Variants in OR2F1 observed in about 807,000 individuals in gnomAD.
OR2F1 encodes the protein olfactory receptor family 2 subfamily F member 1, also known as olfactory receptor 2F1.
For missense variants in OR2F1, 389 were observed against 378.2 expected (o/e 1.03, Z -0.24); for synonymous variants, 146 against 155.3 (o/e 0.94, Z 0.44).
At chr7:143,956,329 TC>T (rs112953836) in intron 1 of OR2F1, among the ~76,000 whole-genome samples, 23,209 of 152,020 alleles carry the variant, frequency 0.15, 2,195 homozygotes, top group African/African-American at 0.24. Flanking sequence ...CATACATATT[TC>T]CTCCTTCAAC....
Position 143,960,900 on chromosome 7 carries a change from G to C in OR2F1, c.930G>C (p.Gly310=), listed in dbSNP as rs751826152. 3 of 1,610,440 alleles carry C rather than the reference G, an allele frequency of 1.9e-6. No individual in the cohort carries two copies. The African/African-American group carries it at 4.0e-5, about 22-fold the overall frequency. Residue 310 remains glycine (G), a synonymous_variant, in exon 3 of 3, where the codon GGG becomes GGC. Transcript: ENST00000641412. ...AGAAACTATTATGGAAATTCTCTGG[G>C]TTAACATCAAAGCTGGCAACTTGAC... The part of the protein sequence containing the change: ...AWQKLLWKFS[G]LTSKLAT
In OR2F1 at chr7:143,960,526, A is replaced by G; in HGVS notation, c.556A>G (p.Arg186Gly). 6.2e-7 allele frequency: 1 copy of G among 1,614,222 alleles called. No homozygotes were observed. Among genetic ancestry groups the G allele is most frequent in the Non-Finnish European group, 8.5e-7 (1 of 1,180,038 alleles). Residue 186 changes from arginine to glycine, a missense_variant, in exon 3 of 3, where the codon AGG (arginine) becomes GGG (glycine). Arg to Gly is a moderately radical substitution (Grantham distance 125). Coordinates refer to ENST00000641412, the MANE Select transcript of OR2F1 (RefSeq NM_012369.3). Reference sequence around the variant, plus strand: ...ATCCTGTGAACTCCTAGCTGTGGTCAGGCTGGCTTGTGTGGACACCTCCTC... The same window carrying G: ...ATCCTGTGAACTCCTAGCTGTGGTCGGGCTGGCTTGTGTGGACACCTCCTC... ...HISCELLAVV[R>G]LACVDTSSNE...
At chr7:143,959,816 A>T in intron 2 of OR2F1, 132 bp from the exon 3 acceptor site, 1 of 599,950 alleles carries the variant, frequency 1.7e-6, no homozygotes, top group Non-Finnish European at 2.9e-6. Context: ...ATGTTGGGTC[A>T]AGACTCTCAT....
At position 143,960,972 on chromosome 7, in the gene OR2F1, C is replaced by A. The variant is rs748774357; in HGVS notation, c.*48C>A. On this transcript the variant is annotated 3_prime_UTR_variant, in exon 3 of 3. Transcript: ENST00000641412. ...AACAGCTTTGCCTCAGTGTTCTCCA[C>A]CCAGCTGAGATCTGACAGGTGTAAA... 1 of 1,427,792 alleles carries A rather than the reference C, an allele frequency of 7.0e-7. No homozygotes were observed. Among genetic ancestry groups the A allele is most frequent in the Non-Finnish European group, 9.6e-7 (1 of 1,036,722 alleles). The allele number at this position is 1,427,792 out of a possible 1,614,324, so 88.4% of individuals were successfully genotyped here.
chr7:143,960,975 A>G lies in OR2F1; in HGVS notation c.*51A>G. 1 of 1,408,470 alleles carries G rather than the reference A, an allele frequency of 7.1e-7. No homozygotes were observed. The highest frequency in any genetic ancestry group is 9.8e-7 in the Non-Finnish European group (1 of 1,020,686). The allele number at this position is 1,408,470 out of a possible 1,614,324, so 87.2% of individuals were successfully genotyped here. A position where few individuals can be genotyped will look rare whatever the true frequency, so the allele number is the denominator to read the frequency against. ...AGCTTTGCCTCAGTGTTCTCCACCC[A>G]GCTGAGATCTGACAGGTGTAAACTA... On this transcript the variant is annotated 3_prime_UTR_variant, in exon 3 of 3. Coordinates refer to ENST00000641412, the MANE Select transcript of OR2F1 (RefSeq NM_012369.3).
At chr7:143,955,387 C>A (rs1416699328) in intron 1 of OR2F1, among the ~76,000 whole-genome samples, 1 of 151,984 alleles carries the variant, frequency 6.6e-6, no homozygotes. Context: ...GCTGTTATAC[C>A]AGTTGATAAT....
At chr7:143,955,914 G>A (rs1162111887) in intron 1 of OR2F1, among the ~76,000 whole-genome samples, 2 of 152,182 alleles carry the variant, frequency 1.3e-5, no homozygotes, top group Non-Finnish European at 1.5e-5. Context: ...CAAGTACTGT[G>A]AAGAGCACAA....
intron 1 of OR2F1, among the ~76,000 whole-genome samples, chr7:143,956,913 G>A (rs2050290026): frequency 6.6e-6 from 1 of 151,998 alleles, no homozygotes; most frequent in Admixed American, 6.6e-5. Flanking sequence ...CAGAAGAAGA[G>A]GGAAAAATAA....
chr7:143,959,991 T>G lies in OR2F1; in HGVS notation c.21T>G (p.Thr7=). The G allele has an allele frequency of 6.2e-7, 1 of 1,609,642 alleles. No homozygotes were observed. The highest frequency in any genetic ancestry group is 8.5e-7 in the Non-Finnish European group (1 of 1,177,356). The change falls in exon 3 of 3, where the codon ACT becomes ACG. Residue 7 remains threonine (T), a synonymous_variant. Coordinates refer to ENST00000641412, the MANE Select transcript of OR2F1 (RefSeq NM_012369.3). ...TTTTAATGGGAACAGATAACCAGACTTGGGTGAGTGAATTTATTCTCCTCG... is the reference window on the plus strand; with the variant it reads ...TTTTAATGGGAACAGATAACCAGACGTGGGTGAGTGAATTTATTCTCCTCG... The part of the protein sequence containing the change: MGTDNQ[T]WVSEFILLGL...
At position 143,962,120 on chromosome 7, in the gene OR2F1, A is replaced by G. The variant is rs919304340; in HGVS notation, c.*1196A>G. 9 of 140,746 alleles carry G rather than the reference A, an allele frequency of 6.4e-5. No individual in the cohort carries two copies. Among genetic ancestry groups the G allele is most frequent in the South Asian group, 2.1e-4 (1 of 4,672 alleles). 8.7% of individuals were successfully genotyped at this position (140,746 alleles called of 1,614,324 possible). A position where few individuals can be genotyped will look rare whatever the true frequency, so the allele number is the denominator to read the frequency against. ...GCTGCTCTTCCTACTCCCTTGAAGG[A>G]GTCAGTCTTTTCTTCCTTTTGTGTC... On this transcript the variant is annotated 3_prime_UTR_variant, in exon 3 of 3. Transcript: ENST00000641412.
chr7:143,959,777 G>C (rs866732687), intron 2 of OR2F1, 171 bp from the exon 3 acceptor site: 2 of 505,340 alleles, frequency 4.0e-6, no homozygotes, highest in Admixed American at 3.6e-5. Flanking sequence ...GCCATAGTTT[G>C]TCTCTCTGAT....
chr7:143,960,050 TG>T lies in OR2F1; in HGVS notation c.81del (p.Phe28LeufsTer10), dbSNP rs754120979. 1.5e-5 allele frequency: 25 copies of T among 1,614,048 alleles called. No individual in the cohort carries two copies. The African/African-American group carries it at 3.1e-4, about 20-fold the overall frequency. On this transcript the variant is annotated frameshift_variant, in exon 3 of 3. Coordinates refer to ENST00000641412, the MANE Select transcript of OR2F1 (RefSeq NM_012369.3). LOFTEE classifies it low-confidence loss of function (END_TRUNC). The stretch of plus-strand genomic sequence containing the variant: ...AGTGACTGGGACACTCGGGTCTCCC[TG>T]TTTGTCCTGTTCTTGGTCATGTATG... ...LSSDWDTRVS[L>X]FVLFLVMYVV... is the part of the protein sequence containing the mutation.
intron 1 of OR2F1, among the ~76,000 whole-genome samples, chr7:143,957,863 T>C (rs140464169): frequency 1.2e-3 from 182 of 151,978 alleles, no homozygotes; most frequent in African/African-American, 4.2e-3. Flanking sequence ...CTAAGTATCT[T>C]GCTCCAAGTC....
chr7:143,958,081 T>A (rs2050297456), intron 1 of OR2F1, among the ~76,000 whole-genome samples: 1 of 152,092 alleles, frequency 6.6e-6, no homozygotes, highest in African/African-American at 2.4e-5. Context: ...ACGGTGAAGA[T>A]CACTGTGTCT....
rs771614966 is a variant in OR2F1 at position 143,960,048 on chromosome 7, C to A, written c.78C>A (p.Ser26=). The change falls in exon 3 of 3, where the codon TCC becomes TCA. Residue 26 remains serine (S), a synonymous_variant. Transcript: ENST00000641412. ...CCAGTGACTGGGACACTCGGGTCTC[C>A]CTGTTTGTCCTGTTCTTGGTCATGT... ...GLSSDWDTRV[S]LFVLFLVMYV... The A allele has an allele frequency of 6.2e-7, 1 of 1,614,060 alleles. No individual in the cohort carries two copies. Among genetic ancestry groups the A allele is most frequent in the Non-Finnish European group, 8.5e-7 (1 of 1,180,008 alleles).
Position 143,960,381 on chromosome 7 carries a change from T to G in OR2F1, c.411T>G (p.His137Gln). Residue 137 changes from histidine (H) to glutamine (Q), a missense_variant, in exon 3 of 3, where the codon CAT becomes CAG. Coordinates refer to ENST00000641412, the MANE Select transcript of OR2F1 (RefSeq NM_012369.3). ...CCCTGCGATACTCGGCCATCATGCA[T>G]GGAGGGCTGTGTGCTAGGTTGGCCA... is the stretch of plus-strand genomic sequence containing the variant. ...CDALRYSAIM[H>Q]GGLCARLAIT... The G allele has an allele frequency of 6.2e-7, 1 of 1,614,150 alleles. No individual in the cohort carries two copies. Among genetic ancestry groups the G allele is most frequent in the South Asian group, 1.1e-5 (1 of 91,076 alleles).
At chr7:143,955,690 G>A (rs560964971) in intron 1 of OR2F1, among the ~76,000 whole-genome samples, 1 of 152,228 alleles carries the variant, frequency 6.6e-6, no homozygotes, top group African/African-American at 2.4e-5. Flanking sequence ...GTGAACCACA[G>A]GGTATGCCAT....
Position 143,960,483 on chromosome 7 carries a change from C to T in OR2F1, c.513C>T (p.Asn171=). The change falls in exon 3 of 3, where the codon AAC becomes AAT. Residue 171 remains asparagine, a synonymous_variant. Coordinates refer to ENST00000641412, the MANE Select transcript of OR2F1 (RefSeq NM_012369.3). ...CCTTTCAGCTGCCCATGTGCAGAAA[C>T]AAGTTTATTGATCACATATCCTGTG... ...AITFQLPMCR[N]KFIDHISCEL... 1 of 1,614,204 alleles carries T rather than the reference C, an allele frequency of 6.2e-7. No homozygotes were observed. Among genetic ancestry groups the T allele is most frequent in the Non-Finnish European group, 8.5e-7 (1 of 1,180,048 alleles).
chr7:143,962,949 T>G lies in OR2F1; in HGVS notation c.*2025T>G, dbSNP rs774981523. On this transcript the variant is annotated 3_prime_UTR_variant, in exon 3 of 3. Transcript: ENST00000641412. ...CTGCTTCAGTAATACTCTTGAGACATTCGAGACATCTGAATTAAGTTAGAT... is the reference window on the plus strand; with the variant it reads ...CTGCTTCAGTAATACTCTTGAGACAGTCGAGACATCTGAATTAAGTTAGAT... The G allele has an allele frequency of 2.6e-5, 4 of 152,206 alleles. No homozygotes were observed. Among genetic ancestry groups the G allele is most frequent in the African/African-American group, 9.6e-5 (4 of 41,452 alleles). 9.4% of individuals were successfully genotyped at this position (152,206 alleles called of 1,614,324 possible).
Sources: gnomAD v4.1 joint callset for allele counts (sites outside exome capture counted in the v4.1 genomes callset) on GRCh38, gnomAD v4.1.1 for gene constraint, MANE v1.5 for transcripts, NCBI Gene and HGNC (gene_info 2026-07-23, HGNC 2026-07-21) for gene names.